Variants in PCDHA4 observed in about 807,000 individuals in gnomAD.
PCDHA4 encodes the protein protocadherin alpha 4.
Under a neutral mutation model 61.4 loss-of-function variants are expected in PCDHA4, and 49 were observed. The observed-to-expected ratio is 0.80, with a 90% CI of 0.63 to 1.01. The LOEUF (loss-of-function observed/expected upper bound fraction) is 1.01. PCDHA4 is among the 50% of genes least tolerant of loss of function. The pLI is 0.00. For synonymous variants in PCDHA4, 590 were observed against 550.3 expected, an observed-to-expected ratio of 1.07 and a Z score of -1.01; for missense variants, 1,254 against 1,235.8, an observed-to-expected ratio of 1.01 and a Z score of -0.22.
At chr5:140,821,675 A>G in intron 1 of PCDHA4, 2 of 1,308,536 alleles carry the variant, frequency 1.5e-6, no homozygotes, top group South Asian at 3.0e-5. Context: ...GAAGCTCAGA[A>G]AGGCGATAAT....
chr5:141,009,239 G>T (rs1416549332), intron 3 of PCDHA4, among the ~76,000 whole-genome samples: 2 of 152,186 alleles, frequency 1.3e-5, no homozygotes, highest in Admixed American at 1.3e-4. Context: ...AGGATCTCTT[G>T]AGCTTCAGTG....
rs2150398719 is a variant in PCDHA4 at position 140,847,297 on chromosome 5, C to G, written c.2385+37725C>G. ...GAACGGGAAGACAAACTCAGAAGCT[C>G]CTGCAGTAATCAAGGACAGAAGCAA... On this transcript the variant is annotated intron_variant, in intron 1 of 3. Transcript: ENST00000530339. Among the ~76,000 whole-genome samples the G allele has an allele frequency of 1.1e-4, 16 of 149,638 alleles. 2 individuals carry two copies. The highest frequency in any genetic ancestry group is 3.9e-4 in the African/African-American group (16 of 40,870).
intron 1 of PCDHA4, chr5:140,927,485 C>T: frequency 6.2e-7 from 1 of 1,614,098 alleles, no homozygotes; most frequent in Non-Finnish European, 8.5e-7. Context: ...CAGCGCGCCA[C>T]CCACCTGCTG....
rs183321523 is a variant in PCDHA4 at position 140,948,382 on chromosome 5, A to G, written c.2386-30567A>G. Among the ~76,000 whole-genome samples the G allele has an allele frequency of 1.2e-3, 182 of 151,516 alleles. 1 individual carries two copies. Among genetic ancestry groups the G allele is most frequent in the African/African-American group, 3.9e-3 (163 of 41,496 alleles). ...TGACTTAGGAGGTGTTCCTTCCTCT[A>G]TTTTCTGAAAGGTTGTGTAATATTG... On this transcript the variant is annotated intron_variant, in intron 1 of 3. Coordinates refer to ENST00000530339, the MANE Select transcript of PCDHA4 (RefSeq NM_018907.4).
At chr5:140,935,127 T>C (rs1223390448) in intron 1 of PCDHA4, among the ~76,000 whole-genome samples, 1 of 152,170 alleles carries the variant, frequency 6.6e-6, no homozygotes, top group Non-Finnish European at 1.5e-5. Flanking sequence ...TTATTTTTAG[T>C]GAAAGATGAT....
In PCDHA4 at chr5:140,927,497, T is replaced by G. The variant is rs199998669; in HGVS notation, c.2386-51452T>G. ...GAACAGCGCGCCACCCACCTGCTGGTGCTTACAGCTCGGGACGGCGGGCTA... is the reference window on the plus strand; with the variant it reads ...GAACAGCGCGCCACCCACCTGCTGGGGCTTACAGCTCGGGACGGCGGGCTA... On this transcript the variant is annotated intron_variant, in intron 1 of 3. Coordinates refer to ENST00000530339, the MANE Select transcript of PCDHA4 (RefSeq NM_018907.4). The G allele has an allele frequency of 2.0e-4, 325 of 1,614,094 alleles. No homozygotes were observed. The highest frequency in any genetic ancestry group is 2.6e-4 in the Non-Finnish European group (305 of 1,180,030).
In PCDHA4 at chr5:140,807,555, T is replaced by C. The variant is rs1554124077; in HGVS notation, c.368T>C (p.Val123Ala). 6 of 1,613,804 alleles carry C rather than the reference T, an allele frequency of 3.7e-6. No individual in the cohort carries two copies. The highest frequency in any genetic ancestry group is 5.1e-6 in the Non-Finnish European group (6 of 1,179,956). ...PLQVFHVDVE[V>A]RDINDNPPVF... ...CAGGTTTTCCATGTGGACGTGGAGG[T>C]GAGGGACATTAACGATAACCCGCCG... is the stretch of plus-strand genomic sequence containing the variant. Residue 123 changes from valine to alanine, a missense_variant, in exon 1 of 4, where the codon GTG becomes GCG. Coordinates refer to ENST00000530339, the MANE Select transcript of PCDHA4 (RefSeq NM_018907.4).
chr5:140,948,645 C>T (rs1468901970), intron 1 of PCDHA4, among the ~76,000 whole-genome samples: 1 of 151,562 alleles, frequency 6.6e-6, no homozygotes. Flanking sequence ...CATCTTTTAA[C>T]GTCTGTATAA....
At position 140,841,270 on chromosome 5, in the gene PCDHA4, C is replaced by A; in HGVS notation, c.2385+31698C>A. On this transcript the variant is annotated intron_variant, in intron 1 of 3. Transcript: ENST00000530339. ...GATTAAAAGACTCTGAAAGTACAGT[C>A]GTTCATCTTTATATTAAGATAATAT... 4 of 1,529,280 alleles carry A rather than the reference C, an allele frequency of 2.6e-6. No individual in the cohort carries two copies. The South Asian group carries it at 3.9e-5, about 15-fold the overall frequency. 94.7% of individuals were successfully genotyped at this position (1,529,280 alleles called of 1,614,324 possible).
chr5:140,836,560 C>A (rs782229036), intron 1 of PCDHA4: 2 of 1,613,622 alleles, frequency 1.2e-6, no homozygotes, highest in African/African-American at 1.3e-5. Context: ...TGCTCAGCGC[C>A]GTCCTCTGAG....
chr5:140,873,624 A>G lies in PCDHA4; in HGVS notation c.2385+64052A>G, dbSNP rs562277902. On this transcript the variant is annotated intron_variant, in intron 1 of 3. Transcript: ENST00000530339. The stretch of plus-strand genomic sequence containing the variant: ...TTCCTATTGGCTTAACAATTTGTTT[A>G]GGTCAAAGAGTATGTGAGAACTACA... Among the ~76,000 whole-genome samples the G allele has an allele frequency of 2.6e-5, 4 of 152,192 alleles. No homozygotes were observed. In the South Asian group the frequency reaches 8.3e-4, roughly 32 times the overall value.
intron 1 of PCDHA4, chr5:140,967,272 T>A: frequency 1.2e-6 from 2 of 1,613,412 alleles, no homozygotes; most frequent in Non-Finnish European, 1.7e-6. Context: ...CGCTTTCACA[T>A]AGAGAGTGCG....
chr5:140,807,718 C>A lies in PCDHA4; in HGVS notation c.531C>A (p.Tyr177Ter). 1 of 1,614,230 alleles carries A rather than the reference C, an allele frequency of 6.2e-7. No homozygotes were observed. The highest frequency in any genetic ancestry group is 8.5e-7 in the Non-Finnish European group (1 of 1,180,044). ...LLTYRLSPNEYFSLEKPPDDE... is the reference protein window; with the variant it reads ...LLTYRLSPNE ...CTTACAGACTGAGCCCAAATGAATA[C>A]TTTTCTCTGGAAAAACCACCTGATG... Residue 177 changes from tyrosine to a stop codon, truncating the protein, a stop_gained, in exon 1 of 4, where the codon TAC (tyrosine) becomes TAA (stop). Coordinates refer to ENST00000530339, the MANE Select transcript of PCDHA4 (RefSeq NM_018907.4). LOFTEE classifies it high-confidence loss of function.
At chr5:141,003,307 C>T (rs2153977029) in intron 3 of PCDHA4, among the ~76,000 whole-genome samples, 1 of 152,252 alleles carries the variant, frequency 6.6e-6, no homozygotes. Flanking sequence ...ATGAAGTGGC[C>T]AGCTACTTCC....
At chr5:140,885,174 A>G (rs568198348) in intron 1 of PCDHA4, among the ~76,000 whole-genome samples, 11 of 152,108 alleles carry the variant, frequency 7.2e-5, no homozygotes, top group African/African-American at 2.6e-4. Context: ...TTTGTCCTCT[A>G]GGCACATCAG....
At chr5:140,829,839 G>C (rs2150175882) in intron 1 of PCDHA4, 1 of 1,613,930 alleles carries the variant, frequency 6.2e-7, no homozygotes, top group Non-Finnish European at 8.5e-7. Context: ...CTGGTGCCGC[G>C]GTCACTGGGT....
chr5:140,930,985 A>G (rs2087229279), intron 1 of PCDHA4, among the ~76,000 whole-genome samples: 1 of 152,110 alleles, frequency 6.6e-6, no homozygotes, highest in Non-Finnish European at 1.5e-5. Context: ...TTTCTTCCTC[A>G]TGACCTACAC....
intron 1 of PCDHA4, chr5:140,855,916 A>G (rs2043673154): frequency 8.4e-7 from 1 of 1,191,010 alleles, no homozygotes. Flanking sequence ...CTCAAGGACT[A>G]GGAAGTAGCG....
intron 2 of PCDHA4, 138 bp from the exon 3 acceptor site, chr5:140,982,337 A>G: frequency 6.9e-7 from 1 of 1,455,066 alleles, no homozygotes; most frequent in East Asian, 2.5e-5. Context: ...CTCAGCAGTA[A>G]TTGCTTCAGT....
Sources: gnomAD v4.1 joint callset for allele counts (sites outside exome capture counted in the v4.1 genomes callset) on GRCh38, gnomAD v4.1.1 for gene constraint, MANE v1.5 for transcripts, NCBI Gene and HGNC (gene_info 2026-07-23, HGNC 2026-07-21) for gene names.